Variants in MARS1 observed in about 807,000 individuals in gnomAD.
The protein encoded by MARS1 is methionyl-tRNA synthetase 1, also known as methionine--tRNA ligase, cytoplasmic.
In MARS1, 80 loss-of-function variants were observed where a neutral mutation model predicts 119.5. The ratio of observed to expected loss-of-function variants is 0.67; its 90% CI spans 0.56 to 0.81. The LOEUF is 0.81. Among genes scored for constraint, MARS1 ranks in the 30% least tolerant of loss-of-function variants. The pLI is 0.00. For missense variants in MARS1, 945 were observed against 1,116.5 expected (o/e 0.85, Z 2.19); for synonymous variants, 418 against 433.4 (o/e 0.96, Z 0.44).
intron 7 of MARS1, among the ~76,000 whole-genome samples, chr12:57,493,776 T>TATATTATA (rs1876344040): frequency 4.3e-3 from 3 of 700 alleles, no homozygotes; most frequent in Non-Finnish European, 0.01. Flanking sequence ...TTATATATAA[T>TATATTATA]ATATATTATA....
chr12:57,494,914 C>G (rs998381609), intron 7 of MARS1, among the ~76,000 whole-genome samples: 1 of 152,230 alleles, frequency 6.6e-6, no homozygotes, highest in Non-Finnish European at 1.5e-5. Context: ...TCTTTCCACA[C>G]AGACACAGTA....
intron 14 of MARS1, 161 bp downstream of exon 14, chr12:57,512,514 C>A: frequency 1.5e-6 from 1 of 663,230 alleles, no homozygotes; most frequent in South Asian, 1.9e-5. Context: ...GAACAAGAAC[C>A]TGAAGAAAGC....
At chr12:57,498,682 G>A in intron 9 of MARS1, 59 bp downstream of exon 9, 1 of 1,519,920 alleles carries the variant, frequency 6.6e-7, no homozygotes, top group Non-Finnish European at 9.1e-7. Context: ...GGAACAGTGG[G>A]AGTATCTTGG....
intron 11 of MARS1, among the ~76,000 whole-genome samples, chr12:57,510,034 C>A (rs1259407631): frequency 6.6e-6 from 1 of 151,820 alleles, no homozygotes; most frequent in Admixed American, 6.6e-5. Flanking sequence ...TTTCTAGAGA[C>A]AGGGTCTCAC....
chr12:57,501,074 G>A (rs1184640175), intron 10 of MARS1, among the ~76,000 whole-genome samples: 1 of 152,230 alleles, frequency 6.6e-6, no homozygotes, highest in Non-Finnish European at 1.5e-5. Flanking sequence ...GCCTTTCAGA[G>A]GCAGTAACAT....
At chr12:57,500,829 C>G (rs916938661) in intron 10 of MARS1, among the ~76,000 whole-genome samples, 1 of 152,224 alleles carries the variant, frequency 6.6e-6, no homozygotes, top group African/African-American at 2.4e-5. Context: ...ATCTTCTCTT[C>G]TAGCCATTTG....
intron 7 of MARS1, among the ~76,000 whole-genome samples, chr12:57,493,579 A>T (rs55901364): frequency 1.6e-4 from 1 of 6,158 alleles, no homozygotes; most frequent in Non-Finnish European, 2.9e-4. Context: ...ATAATATATA[A>T]TATATAATAT....
At chr12:57,490,780 CTTTTTTT>C (rs35674919) in intron 7 of MARS1, 136 bp downstream of exon 7, 23 of 255,598 alleles carry the variant, frequency 9.0e-5, no homozygotes, top group African/African-American at 2.2e-4. Flanking sequence ...TCTTACATCT[CTTTTTTT>C]TTTTTTTTTT....
intron 11 of MARS1, among the ~76,000 whole-genome samples, chr12:57,510,564 A>C (rs1877459741): frequency 6.6e-6 from 1 of 151,682 alleles, no homozygotes; most frequent in Non-Finnish European, 1.5e-5. Context: ...TGAGCCTTGG[A>C]GTTTAAGACC....
intron 7 of MARS1, among the ~76,000 whole-genome samples, chr12:57,495,472 C>G (rs1258210607): frequency 6.6e-6 from 1 of 151,770 alleles, no homozygotes; most frequent in African/African-American, 2.4e-5. Context: ...TTCTCACTTC[C>G]TAGACAGGTT....
At chr12:57,513,075 C>A in intron 15 of MARS1, 111 bp downstream of exon 15, 1 of 865,732 alleles carries the variant, frequency 1.2e-6, no homozygotes. Flanking sequence ...GCTGTGAGGA[C>A]ACTGTGGAAA....
intron 7 of MARS1, among the ~76,000 whole-genome samples, chr12:57,495,235 C>T (rs918857566): frequency 1.1e-4 from 17 of 151,190 alleles, no homozygotes; most frequent in African/African-American, 3.4e-4. Flanking sequence ...ACCTTCCTCC[C>T]GGACGGGGCG....
At chr12:57,498,752 C>T (rs776088273) in intron 9 of MARS1, 129 bp downstream of exon 9, 43 of 811,686 alleles carry the variant, frequency 5.3e-5, no homozygotes, top group Non-Finnish European at 8.8e-5. Context: ...TCAATATCAC[C>T]CTGGGCAGTT....
chr12:57,498,227 C>T lies in MARS1; in HGVS notation c.841C>T (p.Leu281Phe). The T allele has an allele frequency of 6.2e-7, 1 of 1,614,216 alleles. No individual in the cohort carries two copies. Residue 281 changes from leucine to phenylalanine, a missense_variant, in exon 8 of 21, where the codon CTT becomes TTT. Physicochemically the swap from Leu to Phe is conservative, Grantham distance 22. Coordinates refer to ENST00000262027, the MANE Select transcript of MARS1 (RefSeq NM_004990.4). ...ALPYVNNVPH[L>F]GNIIGCVLSA... ...CCCTTACGTCAACAATGTCCCCCACCTTGGGAACATCATTGGTTGTGTGCT... is the reference window on the plus strand; with the variant it reads ...CCCTTACGTCAACAATGTCCCCCACTTTGGGAACATCATTGGTTGTGTGCT...
At chr12:57,494,141 A>G (rs1876452227) in intron 7 of MARS1, among the ~76,000 whole-genome samples, 1 of 143,066 alleles carries the variant, frequency 7.0e-6, no homozygotes. Context: ...TTTTTGGTAG[A>G]GACAAGGTTT....
chr12:57,514,556 T>C lies in MARS1; in HGVS notation c.1968-164T>C, dbSNP rs185492692. On this transcript the variant is annotated intron_variant, in intron 15 of 20. Coordinates refer to ENST00000262027, the MANE Select transcript of MARS1 (RefSeq NM_004990.4). ...ATTCTTAGGGGAGAGAAAGAGTAAA[T>C]AATTAGGCCTTGTCTACTAGCTTGA... Among the ~76,000 whole-genome samples, 322 of 152,272 alleles carry C rather than the reference T, an allele frequency of 2.1e-3. 1 individual carries two copies. The highest frequency in any genetic ancestry group is 6.8e-3 in the African/African-American group (282 of 41,554).
chr12:57,492,888 G>A (rs900659762), intron 7 of MARS1, among the ~76,000 whole-genome samples: 9 of 151,994 alleles, frequency 5.9e-5, no homozygotes, highest in Admixed American at 2.0e-4. Flanking sequence ...CTGGTCAGTC[G>A]GGGGCACATG....
chr12:57,490,780 CT>C (rs35674919), intron 7 of MARS1, 136 bp downstream of exon 7: 48,315 of 253,782 alleles, frequency 0.19, 127 homozygotes, highest in South Asian at 0.24. Context: ...TCTTACATCT[CT>C]TTTTTTTTTT....
rs1274679231 is a variant in MARS1, at chr12:57,514,825, C to T, written c.2073C>T (p.His691=). 1.2e-6 allele frequency: 2 copies of T among 1,614,118 alleles called. No individual in the cohort carries two copies. Among genetic ancestry groups the T allele is most frequent in the South Asian group, 2.2e-5 (2 of 91,088 alleles). Residue 691 remains histidine (H), a synonymous_variant, in exon 16 of 21, where the codon CAC becomes CAT. Transcript: ENST00000262027. ...LLAHVTLELQ[H]YHQLLEKVRI... ...CCCATGTCACCCTGGAGCTCCAGCA[C>T]TATCACCAGCTACTTGAGAAGGTTC...
Sources: gnomAD v4.1 joint callset for allele counts (sites outside exome capture counted in the v4.1 genomes callset) on GRCh38, gnomAD v4.1.1 for gene constraint, MANE v1.5 for transcripts, NCBI Gene and HGNC (gene_info 2026-07-23, HGNC 2026-07-21) for gene names.